SCG3: variants seen among roughly 807,000 people sequenced by gnomAD.
The protein encoded by SCG3 is secretogranin-3.
In SCG3, 38 loss-of-function variants were observed where a neutral mutation model predicts 56.2. The observed-to-expected ratio is 0.68, with a 90% CI of 0.52 to 0.89. The LOEUF (loss-of-function observed/expected upper bound fraction) is 0.89, where lower values mean the gene tolerates loss of function less well. SCG3 is among the 40% of genes least tolerant of loss of function. The probability of loss-of-function intolerance (pLI) is 0.00; values close to 1 mark genes in which losing one functional copy is unlikely to be tolerated. For missense variants in SCG3, 524 were observed against 540.7 expected (o/e 0.97, Z 0.31); for synonymous variants, 176 against 184.2 (o/e 0.96, Z 0.36).
rs73405324 is a variant in SCG3, at chr15:51,720,433, C to G, written c.*907C>G. The stretch of plus-strand genomic sequence containing the variant: ...TAATGAACTTCAGGTCCCTGCAACT[C>G]AGCCCCCACCACAAACACAGCCCTG... On this transcript the variant is annotated 3_prime_UTR_variant, in exon 12 of 12. Transcript: ENST00000220478. 0.011 allele frequency: 1,674 copies of G among 152,380 alleles called. 18 individuals carry two copies. Among genetic ancestry groups the G allele is most frequent in the African/African-American group, 0.025 (1,024 of 41,560 alleles). 9.4% of individuals were successfully genotyped at this position (152,380 alleles called of 1,614,324 possible). A position where few individuals can be genotyped will look rare whatever the true frequency, so the allele number is the denominator to read the frequency against.
rs535151113 is a variant in SCG3, at chr15:51,688,100, T to G, written c.398-160T>G. On this transcript the variant is annotated intron_variant, in intron 4 of 11. Coordinates refer to ENST00000220478, the MANE Select transcript of SCG3 (RefSeq NM_013243.4). ...ACTAAGTTTTTAACATGAAGACCAA[T>G]TTTATTTCAAACCGAGGGTTTCTGT... is the stretch of plus-strand genomic sequence containing the variant. 2.6e-5 allele frequency among the ~76,000 whole-genome samples: 4 copies of G among 152,310 alleles called. No homozygotes were observed. In the South Asian group the frequency reaches 8.3e-4, roughly 32 times the overall value.
Position 51,694,865 on chromosome 15 carries a change from T to C in SCG3, c.869-1010T>C, listed in dbSNP as rs527658810. ...GGCCAACATGGTGAAACCCAGTCTC[T>C]ACTAAAAATACAAAAATTAGCCAGG... On this transcript the variant is annotated intron_variant, in intron 7 of 11. Coordinates refer to ENST00000220478, the MANE Select transcript of SCG3 (RefSeq NM_013243.4). Among the ~76,000 whole-genome samples the C allele has an allele frequency of 2.0e-3, 305 of 152,212 alleles. 2 individuals are homozygous for C. The highest frequency in any genetic ancestry group is 2.7e-3 in the Non-Finnish European group (183 of 68,008).
In SCG3 at chr15:51,688,418, G is replaced by C; in HGVS notation, c.540+16G>C. ...TCTCGGCCTTGTAAGTCATTTGGTA[G>C]GAAATAAACCAAATTCCTAGTGCAG... is the stretch of plus-strand genomic sequence containing the variant. On this transcript the variant is annotated intron_variant, in intron 5 of 11. Transcript: ENST00000220478. The C allele has an allele frequency of 7.5e-6, 12 of 1,610,566 alleles. No homozygotes were observed. Among genetic ancestry groups the C allele is most frequent in the Non-Finnish European group, 1.0e-5 (12 of 1,177,550 alleles).
intron 10 of SCG3, among the ~76,000 whole-genome samples, chr15:51,705,060 A>G (rs988541259): frequency 6.6e-6 from 1 of 151,918 alleles, no homozygotes; most frequent in Non-Finnish European, 1.5e-5. Context: ...AAAAATAGCT[A>G]ACCAGGACAA....
At chr15:51,713,529 A>G in intron 11 of SCG3, 116 bp downstream of exon 11, 1 of 595,510 alleles carries the variant, frequency 1.7e-6, no homozygotes, top group Non-Finnish European at 2.9e-6. Flanking sequence ...AGAGCCCAAA[A>G]AAGACTGAAG....
intron 8 of SCG3, among the ~76,000 whole-genome samples, chr15:51,697,132 C>CTGTGTGTGTG (rs3078107): frequency 0.03 from 4,388 of 145,952 alleles, 191 homozygotes; most frequent in East Asian, 0.14. Context: ...AGATGTTATT[C>CTGTGTGTGTG]TGTGTGTGTG....
intron 11 of SCG3, among the ~76,000 whole-genome samples, chr15:51,714,009 G>A (rs992569821): frequency 2.0e-5 from 3 of 152,200 alleles, no homozygotes; most frequent in South Asian, 2.1e-4. Context: ...AGACAGTTGA[G>A]AGAAGGGCCA....
intron 10 of SCG3, among the ~76,000 whole-genome samples, chr15:51,709,688 TA>T (rs2055401859): frequency 3.7e-4 from 8 of 21,896 alleles, no homozygotes; most frequent in African/African-American, 8.9e-4. Flanking sequence ...TATATATATA[TA>T]TATATATATA....
chr15:51,687,014 T>C (rs2055233636), intron 4 of SCG3, among the ~76,000 whole-genome samples: 1 of 152,152 alleles, frequency 6.6e-6, no homozygotes, highest in Non-Finnish European at 1.5e-5. Flanking sequence ...AGAATAGAAA[T>C]ACTAGGCTCT....
At chr15:51,694,526 G>A (rs2055289278) in intron 7 of SCG3, among the ~76,000 whole-genome samples, 1 of 151,782 alleles carries the variant, frequency 6.6e-6, no homozygotes, top group African/African-American at 2.4e-5. Flanking sequence ...GAGGAAGGGG[G>A]AAAGGCTAGG....
In SCG3 at chr15:51,719,632, AAAGTGCTGAATTTACAGT is replaced by A; in HGVS notation, c.*108_*125del. 1.4e-6 allele frequency: 1 copy of A among 731,550 alleles called. No individual in the cohort carries two copies. The highest frequency in any genetic ancestry group is 2.3e-6 in the Non-Finnish European group (1 of 442,844). The allele number at this position is 731,550 out of a possible 1,614,324, so 45.3% of individuals were successfully genotyped here. The stretch of plus-strand genomic sequence containing the variant: ...AATTTTTTGACCCAAGGGTTATTAG[AAAGTGCTGAATTTACAGT>A]AGTTAACCTTTTACAAGTGGTTAAA... On this transcript the variant is annotated 3_prime_UTR_variant, in exon 12 of 12. Transcript: ENST00000220478.
chr15:51,685,848 G>T (rs1038878381), intron 4 of SCG3, among the ~76,000 whole-genome samples: 3 of 152,110 alleles, frequency 2.0e-5, no homozygotes, highest in South Asian at 4.1e-4. Flanking sequence ...GTAGTGCTTT[G>T]GGGCTCCTGT....
intron 8 of SCG3, among the ~76,000 whole-genome samples, chr15:51,699,075 G>A (rs2055322701): frequency 6.6e-6 from 1 of 152,186 alleles, no homozygotes; most frequent in Non-Finnish European, 1.5e-5. Flanking sequence ...CCACAGAGAT[G>A]CAGAAGCGAC....
chr15:51,713,450 C>A, intron 11 of SCG3, 37 bp downstream of exon 11: 1 of 1,375,496 alleles, frequency 7.3e-7, no homozygotes, highest in Non-Finnish European at 1.0e-6. Flanking sequence ...CAAACTTCAC[C>A]CATTTGTCAG....
rs556286488 is a variant in SCG3, at chr15:51,693,251, C to T, written c.868+915C>T. 2.0e-5 allele frequency: 3 copies of T among 152,226 alleles called. 1 individual carries two copies. In the South Asian group the frequency reaches 6.2e-4, roughly 31 times the overall value. The allele number at this position is 152,226 out of a possible 1,614,324, so 9.4% of individuals were successfully genotyped here. A position where few individuals can be genotyped will look rare whatever the true frequency, so the allele number is the denominator to read the frequency against. On this transcript the variant is annotated intron_variant, in intron 7 of 11. Coordinates refer to ENST00000220478, the MANE Select transcript of SCG3 (RefSeq NM_013243.4). The stretch of plus-strand genomic sequence containing the variant: ...ACAAATCTTTCTTTAAAAGGCTCTA[C>T]TCACTTTCCTTAATGGAAACAGTGT...
At position 51,719,558 on chromosome 15, in the gene SCG3, G is replaced by GT; in HGVS notation, c.*35dup. 5 of 1,445,598 alleles carry GT rather than the reference G, an allele frequency of 3.5e-6. No individual in the cohort carries two copies. Among genetic ancestry groups the GT allele is most frequent in the Non-Finnish European group, 4.8e-6 (5 of 1,031,180 alleles). 89.5% of individuals were successfully genotyped at this position (1,445,598 alleles called of 1,614,324 possible). A position where few individuals can be genotyped will look rare whatever the true frequency, so the allele number is the denominator to read the frequency against. On this transcript the variant is annotated 3_prime_UTR_variant, in exon 12 of 12. Transcript: ENST00000220478. ...CAAAAGATCCAGGAGTCTTTCAACT[G>GT]TTTCAGAAAACATAATATAGCTTAA... is the stretch of plus-strand genomic sequence containing the variant.
chr15:51,691,757 A>G (rs761424746), intron 6 of SCG3, among the ~76,000 whole-genome samples: 18 of 152,216 alleles, frequency 1.2e-4, no homozygotes, highest in Non-Finnish European at 2.4e-4. Flanking sequence ...AGACATTCTA[A>G]CAGGCTTTCC....
Position 51,683,385 on chromosome 15 carries a change from G to A in SCG3, c.348G>A (p.Leu116=). The change falls in exon 4 of 12, where the codon CTG becomes CTA. Residue 116 remains leucine (L), a synonymous_variant. Transcript: ENST00000220478. ...TTGATTCAACCAAGAATCGAAAACT[G>A]ATCGATGATTATGACTCTACTAAGA... ...EDVDSTKNRK[L]IDDYDSTKSG... The A allele has an allele frequency of 1.9e-6, 3 of 1,613,676 alleles. No individual in the cohort carries two copies. Among genetic ancestry groups the A allele is most frequent in the Non-Finnish European group, 2.5e-6 (3 of 1,179,788 alleles).
chr15:51,720,801 A>T lies in SCG3; in HGVS notation c.*1275A>T. ...CATCAGCACTCTGTAAAACGCACCA[A>T]TCAGCACTCTGTAAAATGCACCAAT... On this transcript the variant is annotated 3_prime_UTR_variant, in exon 12 of 12. Coordinates refer to ENST00000220478, the MANE Select transcript of SCG3 (RefSeq NM_013243.4). The T allele has an allele frequency of 5.7e-6, 1 of 175,886 alleles. No homozygotes were observed. The highest frequency in any genetic ancestry group is 1.1e-5 in the Non-Finnish European group (1 of 87,626). 10.9% of individuals were successfully genotyped at this position (175,886 alleles called of 1,614,324 possible).
Sources: gnomAD v4.1 joint callset for allele counts (sites outside exome capture counted in the v4.1 genomes callset) on GRCh38, gnomAD v4.1.1 for gene constraint, MANE v1.5 for transcripts, NCBI Gene and HGNC (gene_info 2026-07-23, HGNC 2026-07-21) for gene names.